ALK: variants seen among roughly 807,000 people sequenced by gnomAD.
ALK encodes ALK tyrosine kinase receptor.
ALK carries 74 observed loss-of-function variants against 163.1 expected under a neutral mutation model. The observed-to-expected ratio is 0.45, with a 90% CI of 0.38 to 0.55. ALK has a LOEUF of 0.55. Ranked by LOEUF, ALK falls within the 20% of genes least tolerant of loss-of-function variation. The probability of loss-of-function intolerance (pLI) is 0.00; values close to 1 mark genes in which losing one functional copy is unlikely to be tolerated. For missense variants in ALK, 2,063 were observed against 2,105.3 expected, an observed-to-expected ratio of 0.98 and a Z score of 0.39; for synonymous variants, 960 against 843.2, an observed-to-expected ratio of 1.14 and a Z score of -2.40.
At chr2:29,619,221 T>A (rs181880733) in intron 3 of ALK, among the ~76,000 whole-genome samples, 149 of 152,312 alleles carry the variant, frequency 9.8e-4, no homozygotes, top group African/African-American at 3.4e-3. Flanking sequence ...TGGGATGATC[T>A]TTGCACAGTG....
intron 4 of ALK, among the ~76,000 whole-genome samples, chr2:29,440,837 T>A (rs1243980527): frequency 6.6e-6 from 1 of 152,222 alleles, no homozygotes; most frequent in Non-Finnish European, 1.5e-5. Context: ...TTCTTTTAGA[T>A]TATCATCAAT....
rs2148301776 is a variant in ALK at position 29,383,850 on chromosome 2, C to T, written c.1164G>A (p.Val388=). The T allele has an allele frequency of 6.2e-7, 1 of 1,614,074 alleles. No homozygotes were observed. The highest frequency in any genetic ancestry group is 8.5e-7 in the Non-Finnish European group (1 of 1,179,976). The part of the protein sequence containing the change: ...MPTPGKHGWT[V]LQGRIGRPDN... ...CTGGACGCCCGATTCTTCCCTGGAGCACTGTCCAACTGGTTGCATTGGAAA... is the reference window on the plus strand; with the variant it reads ...CTGGACGCCCGATTCTTCCCTGGAGTACTGTCCAACTGGTTGCATTGGAAA... The change falls in exon 5 of 29, where the codon GTG becomes GTA. Residue 388 remains valine, a synonymous_variant. Transcript: ENST00000389048.
chr2:29,367,605 G>A (rs1324363510), intron 5 of ALK, among the ~76,000 whole-genome samples: 2 of 152,208 alleles, frequency 1.3e-5, no homozygotes, highest in Non-Finnish European at 2.9e-5. Context: ...CAGTGGCAAG[G>A]TTACACCTTA....
At chr2:29,605,166 G>A (rs556893826) in intron 3 of ALK, among the ~76,000 whole-genome samples, 2 of 152,278 alleles carry the variant, frequency 1.3e-5, no homozygotes, top group Admixed American at 1.3e-4. Flanking sequence ...GGTGGGTAGC[G>A]ATTACGTTCT....
rs552069431 is a variant in ALK at position 29,205,021 on chromosome 2, G to A, written c.3938+2150C>T. Among the ~76,000 whole-genome samples the A allele has an allele frequency of 2.5e-4, 38 of 152,256 alleles. 1 individual carries two copies. The South Asian group carries it at 7.7e-3, about 31-fold the overall frequency. ...ACTCTTTGGAAGAAAGTGAGAACAC[G>A]CAGCCCACACAGGCTTCAGGGTAGC... On this transcript the variant is annotated intron_variant, in intron 26 of 28. Coordinates refer to ENST00000389048, the MANE Select transcript of ALK (RefSeq NM_004304.5).
chr2:29,322,879 T>C lies in ALK; in HGVS notation c.1415-1997A>G, dbSNP rs1667112594. 2.6e-5 allele frequency among the ~76,000 whole-genome samples: 4 copies of C among 152,008 alleles called. No homozygotes were observed. In the South Asian group the frequency reaches 8.3e-4, roughly 31 times the overall value. ...AACAAACAAAACACCCCAGGGCCCA[T>C]GATGGAAGATTCCAGTGGGTGATGG... is the stretch of plus-strand genomic sequence containing the variant. On this transcript the variant is annotated intron_variant, in intron 6 of 28. Coordinates refer to ENST00000389048, the MANE Select transcript of ALK (RefSeq NM_004304.5).
intron 4 of ALK, among the ~76,000 whole-genome samples, chr2:29,450,291 T>G (rs565057958): frequency 6.6e-6 from 1 of 152,322 alleles, no homozygotes; most frequent in South Asian, 2.1e-4. Context: ...TGAGACTTGC[T>G]CATCTTGTCT....
chr2:29,593,471 T>C, intron 3 of ALK, among the ~76,000 whole-genome samples: 1 of 152,234 alleles, frequency 6.6e-6, no homozygotes, highest in East Asian at 1.9e-4. Flanking sequence ...TCCCCTTTCA[T>C]TCTATACCCT....
At position 29,462,182 on chromosome 2, in the gene ALK, C is replaced by T. The variant is rs551618809; in HGVS notation, c.1154+69733G>A. ...AACAAAGAAAGTAGTATCTTGAAAT[C>T]GAATCTATTCTTGGTGAAGATATTG... On this transcript the variant is annotated intron_variant, in intron 4 of 28. Coordinates refer to ENST00000389048, the MANE Select transcript of ALK (RefSeq NM_004304.5). 4.6e-5 allele frequency among the ~76,000 whole-genome samples: 7 copies of T among 152,130 alleles called. No homozygotes were observed. The East Asian group carries it at 1.4e-3, about 29-fold the overall frequency.
chr2:29,720,211 T>TA (rs1359919435), intron 1 of ALK, among the ~76,000 whole-genome samples: 8 of 150,422 alleles, frequency 5.3e-5, no homozygotes, highest in Admixed American at 1.3e-4. Context: ...TTCAGGGGTT[T>TA]AAAAAAAAAG....
At chr2:29,539,167 T>C (rs1391714547) in intron 3 of ALK, among the ~76,000 whole-genome samples, 1 of 152,176 alleles carries the variant, frequency 6.6e-6, no homozygotes, top group Non-Finnish European at 1.5e-5. Context: ...AATAAACAGA[T>C]CTTTTATACT....
intron 3 of ALK, among the ~76,000 whole-genome samples, chr2:29,624,217 G>T (rs1255074368): frequency 1.0e-4 from 5 of 50,092 alleles, no homozygotes; most frequent in Admixed American, 2.1e-4. Context: ...GACCTTTTGG[G>T]TGGAGATGTG....
At chr2:29,562,026 G>A (rs1674038428) in intron 3 of ALK, among the ~76,000 whole-genome samples, 1 of 152,154 alleles carries the variant, frequency 6.6e-6, no homozygotes, top group African/African-American at 2.4e-5. Context: ...AGAGGAGGAT[G>A]GACAAGGATG....
intron 1 of ALK, among the ~76,000 whole-genome samples, chr2:29,720,939 C>A (rs1399204078): frequency 6.6e-6 from 1 of 152,118 alleles, no homozygotes; most frequent in Non-Finnish European, 1.5e-5. Context: ...TGCAGACCAA[C>A]TGGCTCAAGT....
intron 4 of ALK, among the ~76,000 whole-genome samples, chr2:29,414,449 A>G (rs1669817449): frequency 6.6e-6 from 1 of 152,210 alleles, no homozygotes; most frequent in African/African-American, 2.4e-5. Context: ...CATTCTTGCC[A>G]AAACCCTCTG....
chr2:29,780,482 A>T (rs6759274), intron 1 of ALK, among the ~76,000 whole-genome samples: 1 of 152,240 alleles, frequency 6.6e-6, no homozygotes, highest in Non-Finnish European at 1.5e-5. Context: ...GAACTTTTCA[A>T]ACAGAAAGGA....
chr2:29,871,936 C>A (rs183324072), intron 1 of ALK, among the ~76,000 whole-genome samples: 2 of 152,170 alleles, frequency 1.3e-5, no homozygotes, highest in Non-Finnish European at 2.9e-5. Context: ...GATAGAGGTG[C>A]GGGTCTTCTA....
chr2:29,674,233 G>A (rs980468258), intron 3 of ALK, among the ~76,000 whole-genome samples: 8 of 151,752 alleles, frequency 5.3e-5, no homozygotes, highest in Admixed American at 5.3e-4. Flanking sequence ...AGGTGAGAGA[G>A]GGCATCCCTG....
chr2:29,295,514 G>A (rs545715575), intron 9 of ALK, among the ~76,000 whole-genome samples: 10 of 152,232 alleles, frequency 6.6e-5, no homozygotes, highest in African/African-American at 1.7e-4. Flanking sequence ...ATTTGTCCTG[G>A]GGTCACTGAT....
Sources: allele counts gnomAD v4.1 joint callset (sites outside exome capture counted in the v4.1 genomes callset), GRCh38; gene constraint gnomAD v4.1.1; transcripts MANE v1.5; gene names NCBI Gene and HGNC (gene_info 2026-07-23, HGNC 2026-07-21).